Variants in BMAL2 observed in about 807,000 individuals in gnomAD.
BMAL2 encodes the protein basic helix-loop-helix ARNT like 2, also known as basic helix-loop-helix ARNT-like protein 2.
the BMAL2 span, among the ~76,000 whole-genome samples, chr12:27,362,054 G>T: frequency 6.6e-6 from 1 of 151,928 alleles, no homozygotes; most frequent in Non-Finnish European, 1.5e-5. Context: ...TTTTATTTCT[G>T]TCTCTGAACT....
chr12:27,360,876 T>C, the BMAL2 span, among the ~76,000 whole-genome samples: 3 of 144,450 alleles, frequency 2.1e-5, no homozygotes, highest in Non-Finnish European at 1.5e-5. Flanking sequence ...TTTTCCGGGT[T>C]TGGACTCTCA....
the BMAL2 span, among the ~76,000 whole-genome samples, chr12:27,379,537 A>ACTCCACT: frequency 6.6e-6 from 1 of 152,206 alleles, no homozygotes; most frequent in African/African-American, 2.4e-5. Flanking sequence ...GTGGAGGAGG[A>ACTCCACT]CCAGGAGGCA....
chr12:27,339,290 C>G, the BMAL2 span, among the ~76,000 whole-genome samples: 1 of 152,176 alleles, frequency 6.6e-6, no homozygotes, highest in East Asian at 1.9e-4. Context: ...AGGACATGAT[C>G]TCATTCTTTT....
chr12:27,398,698 A>G, the BMAL2 span, among the ~76,000 whole-genome samples: 1 of 152,228 alleles, frequency 6.6e-6, no homozygotes, highest in African/African-American at 2.4e-5. Flanking sequence ...TATAGATAGT[A>G]ACCTGTTGTA....
chr12:27,402,250 G>A, the BMAL2 span, among the ~76,000 whole-genome samples: 1 of 151,762 alleles, frequency 6.6e-6, no homozygotes, highest in Admixed American at 6.6e-5. Context: ...ATTGCTGTAA[G>A]GTTTCCTTGA....
the BMAL2 span, among the ~76,000 whole-genome samples, chr12:27,412,974 G>T: frequency 6.6e-6 from 1 of 151,518 alleles, no homozygotes; most frequent in African/African-American, 2.4e-5. Flanking sequence ...GGAGAGAATA[G>T]GATGATATAT....
the BMAL2 span, among the ~76,000 whole-genome samples, chr12:27,405,012 G>T: frequency 6.6e-6 from 1 of 152,202 alleles, no homozygotes; most frequent in Non-Finnish European, 1.5e-5. Flanking sequence ...TAGCACAGCA[G>T]TCTGAGATCA....
At chr12:27,373,726 C>T in the BMAL2 span, among the ~76,000 whole-genome samples, 2 of 152,148 alleles carry the variant, frequency 1.3e-5, no homozygotes, top group African/African-American at 2.4e-5. Context: ...ATTGCATCTG[C>T]GTCTAACTTT....
the BMAL2 span, among the ~76,000 whole-genome samples, chr12:27,378,735 G>A: frequency 6.6e-6 from 1 of 152,166 alleles, no homozygotes; most frequent in Non-Finnish European, 1.5e-5. Flanking sequence ...CATAATTTTG[G>A]AAGTCATAGA....
chr12:27,335,858 C>T, the BMAL2 span, among the ~76,000 whole-genome samples: 1 of 151,962 alleles, frequency 6.6e-6, no homozygotes, highest in African/African-American at 2.4e-5. Context: ...AGTTTGACTC[C>T]AGGAAAAACA....
the BMAL2 span, among the ~76,000 whole-genome samples, chr12:27,386,624 A>G: frequency 6.6e-6 from 1 of 151,996 alleles, no homozygotes; most frequent in African/African-American, 2.4e-5. Flanking sequence ...TGGTAAAGGT[A>G]ATTTTATTTT....
the BMAL2 span, among the ~76,000 whole-genome samples, chr12:27,405,689 G>T: frequency 0.14 from 21,315 of 152,200 alleles, 2,099 homozygotes; most frequent in East Asian, 0.46. Flanking sequence ...AAATCAGAGC[G>T]CCTTTCCTCC....
At chr12:27,356,320 T>C in the BMAL2 span, among the ~76,000 whole-genome samples, 1 of 152,196 alleles carries the variant, frequency 6.6e-6, no homozygotes, top group South Asian at 2.1e-4. Flanking sequence ...AGGATTGGCC[T>C]CAGTAGTGAA....
chr12:27,352,122 T>G, the BMAL2 span, among the ~76,000 whole-genome samples: 1 of 152,218 alleles, frequency 6.6e-6, no homozygotes, highest in African/African-American at 2.4e-5. Flanking sequence ...TACAACAGTC[T>G]TTGTGTATAT....
chr12:27,350,030 T>G, the BMAL2 span, among the ~76,000 whole-genome samples: 1 of 152,186 alleles, frequency 6.6e-6, no homozygotes, highest in African/African-American at 2.4e-5. Context: ...TTGATGAAGT[T>G]CACACAGTTA....
the BMAL2 span, among the ~76,000 whole-genome samples, chr12:27,385,856 C>T: frequency 6.6e-6 from 1 of 152,022 alleles, no homozygotes; most frequent in Non-Finnish European, 1.5e-5. Flanking sequence ...CCATGATCAC[C>T]ACCTCCTTCA....
At chr12:27,334,207 G>C in the BMAL2 span, among the ~76,000 whole-genome samples, 1 of 152,180 alleles carries the variant, frequency 6.6e-6, no homozygotes, top group African/African-American at 2.4e-5. Flanking sequence ...AAGATGGCAC[G>C]TGTGGTGTTT....
chr12:27,349,981 G>A, the BMAL2 span, among the ~76,000 whole-genome samples: 1 of 152,302 alleles, frequency 6.6e-6, no homozygotes, highest in African/African-American at 2.4e-5. Flanking sequence ...GCAGGGGCTT[G>A]CACCTGAGCT....
At chr12:27,391,917 G>C in the BMAL2 span, among the ~76,000 whole-genome samples, 34 of 152,264 alleles carry the variant, frequency 2.2e-4, 1 homozygote, top group East Asian at 6.6e-3. Flanking sequence ...AAGCTTCCTG[G>C]GCTTGAAGTC....
Sources: gnomAD v4.1 joint callset for allele counts (sites outside exome capture counted in the v4.1 genomes callset) on GRCh38, gnomAD v4.1.1 for gene constraint, MANE v1.5 for transcripts, NCBI Gene and HGNC (gene_info 2026-07-23, HGNC 2026-07-21) for gene names.